The following LYRM4 variants were observed in gnomAD, a reference collection of about 807,000 sequenced individuals.
LYRM4 encodes LYR motif containing 4, also known as LYR motif-containing protein 4.
A neutral mutation model predicts 11.7 loss-of-function variants in LYRM4; 9 were observed. The ratio of observed to expected loss-of-function variants is 0.77; its 90% CI spans 0.46 to 1.34. The LOEUF is 1.34. Among genes scored for constraint, LYRM4 ranks in the 40% most tolerant of loss-of-function variants. LYRM4 has a pLI of 0.00. For missense variants in LYRM4, 133 were observed against 112.5 expected, an observed-to-expected ratio of 1.18 and a Z score of -0.82; for synonymous variants, 42 against 40.4, an observed-to-expected ratio of 1.04 and a Z score of -0.15.
chr6:5,134,646 A>G (rs1756974995), intron 2 of LYRM4, among the ~76,000 whole-genome samples: 1 of 152,260 alleles, frequency 6.6e-6, no homozygotes, highest in East Asian at 1.9e-4. Flanking sequence ...GGTAGGCGTA[A>G]GGATGAAAAA....
chr6:5,147,215 T>C (rs1452284136), intron 2 of LYRM4, among the ~76,000 whole-genome samples: 2 of 152,236 alleles, frequency 1.3e-5, no homozygotes, highest in Non-Finnish European at 2.9e-5. Context: ...TTTAAACCTG[T>C]ATTTATGTTT....
intron 2 of LYRM4, among the ~76,000 whole-genome samples, chr6:5,133,430 A>G (rs1211769498): frequency 1.3e-5 from 2 of 152,194 alleles, no homozygotes; most frequent in Non-Finnish European, 2.9e-5. Context: ...ACCACCTGTG[A>G]GGAAGGCTCC....
chr6:5,064,002 T>G, the LYRM4 span, among the ~76,000 whole-genome samples: 2 of 152,258 alleles, frequency 1.3e-5, no homozygotes, highest in Non-Finnish European at 2.9e-5. Context: ...AGCCATGCAG[T>G]GAGGTTCACG....
intron 2 of LYRM4, among the ~76,000 whole-genome samples, chr6:5,198,802 C>A (rs2746227): frequency 0.82 from 125,235 of 152,250 alleles, 52,060 homozygotes; most frequent in African/African-American, 0.95. Flanking sequence ...ACTAGGTCAA[C>A]GTTAGCCTTC....
the LYRM4 span, chr6:5,086,016 CG>C: frequency 4.7e-6 from 7 of 1,499,534 alleles, no homozygotes; most frequent in African/African-American, 2.9e-5. Context: ...TGGAGCAGCT[CG>C]GGGGGCTGCT....
intron 2 of LYRM4, among the ~76,000 whole-genome samples, chr6:5,126,457 A>G (rs1203012019): frequency 6.6e-6 from 1 of 152,256 alleles, no homozygotes; most frequent in African/African-American, 2.4e-5. Flanking sequence ...CAACTGAAGT[A>G]CAGTGCAAGA....
the LYRM4 span, among the ~76,000 whole-genome samples, chr6:5,040,428 A>G: frequency 1.3e-5 from 2 of 151,906 alleles, no homozygotes; most frequent in Non-Finnish European, 2.9e-5. Context: ...AAGGCTGGGC[A>G]TGGTGGCTCA....
intron 1 of LYRM4, among the ~76,000 whole-genome samples, chr6:5,222,512 A>G (rs1428260985): frequency 1.1e-4 from 17 of 152,200 alleles, no homozygotes; most frequent in Admixed American, 1.1e-3. Flanking sequence ...AGATGAAATA[A>G]GAAACAGAAG....
At chr6:5,128,389 T>C (rs542678891) in intron 2 of LYRM4, among the ~76,000 whole-genome samples, 103 of 152,156 alleles carry the variant, frequency 6.8e-4, no homozygotes, top group Non-Finnish European at 1.3e-3. Context: ...GCCTCGTAGA[T>C]ACAAATTGCG....
chr6:5,037,845 C>A, the LYRM4 span, among the ~76,000 whole-genome samples: 2 of 44,870 alleles, frequency 4.5e-5, no homozygotes, highest in Admixed American at 2.9e-4. Context: ...CCGGACGGGG[C>A]GGCTGGCCGG....
At chr6:5,038,887 A>ACCGCGGAAGGAGAGC in the LYRM4 span, among the ~76,000 whole-genome samples, 2 of 85,086 alleles carry the variant, frequency 2.4e-5, no homozygotes, top group Non-Finnish European at 4.5e-5. Context: ...GTGGAGGGAG[A>ACCGCGGAAGGAGAGC]GAGAGGGAGA....
At chr6:5,032,431 G>C in the LYRM4 span, 2 of 152,192 alleles carry the variant, frequency 1.3e-5, no homozygotes, top group African/African-American at 4.8e-5. Flanking sequence ...AAAAGATACA[G>C]TTTAATGAGT....
chr6:5,094,759 T>C, the LYRM4 span, among the ~76,000 whole-genome samples: 1 of 152,230 alleles, frequency 6.6e-6, no homozygotes. Context: ...CTGTATGTAT[T>C]ACACCTACAA....
chr6:5,071,791 C>T, the LYRM4 span, among the ~76,000 whole-genome samples: 1 of 152,100 alleles, frequency 6.6e-6, no homozygotes, highest in Non-Finnish European at 1.5e-5. Flanking sequence ...GCATGCACCA[C>T]CACGCCCAGC....
chr6:5,097,032 A>G, the LYRM4 span, among the ~76,000 whole-genome samples: 18 of 152,368 alleles, frequency 1.2e-4, no homozygotes, highest in East Asian at 3.5e-3. Context: ...TCTGTTGCTT[A>G]TAACAGAATA....
downstream of LYRM4, among the ~76,000 whole-genome samples, chr6:5,099,786 G>A (rs769058734): frequency 1.3e-5 from 2 of 152,270 alleles, no homozygotes; most frequent in East Asian, 3.9e-4. The surrounding 1 kb of genome is among the most constrained non-coding windows in gnomAD (Gnocchi z 4.3). Flanking sequence ...TGTCAGAAAG[G>A]TTGAGTCATG....
At chr6:5,253,718 T>TC (rs1397310520) in intron 1 of LYRM4, among the ~76,000 whole-genome samples, 1 of 151,958 alleles carries the variant, frequency 6.6e-6, no homozygotes, top group African/African-American at 2.4e-5. Flanking sequence ...AAACTGATCC[T>TC]CTTACAATAC....
intron 1 of LYRM4, among the ~76,000 whole-genome samples, chr6:5,223,343 A>T (rs183635680): frequency 5.1e-4 from 77 of 152,336 alleles, no homozygotes; most frequent in Non-Finnish European, 8.8e-5. Context: ...CTTGATACAT[A>T]TTGATCTCAT....
At chr6:5,200,126 T>C (rs990619083) in intron 2 of LYRM4, among the ~76,000 whole-genome samples, 3 of 152,186 alleles carry the variant, frequency 2.0e-5, no homozygotes, top group Admixed American at 6.5e-5. Flanking sequence ...CTTGGGAAAA[T>C]GCCTGCTATA....
Sources: gnomAD v4.1 joint callset for allele counts (sites outside exome capture counted in the v4.1 genomes callset) on GRCh38, gnomAD v4.1.1 for gene constraint, Gnocchi (gnomAD v3.1) non-coding constraint, MANE v1.5 for transcripts, NCBI Gene and HGNC (gene_info 2026-07-23, HGNC 2026-07-21) for gene names.